TMEM161A: variants seen among roughly 807,000 people sequenced by gnomAD.
The protein encoded by TMEM161A is transmembrane protein 161A, also known as adaptive response to oxidative stress protein 29.
A neutral mutation model predicts 57.1 loss-of-function variants in TMEM161A; 46 were observed. The ratio of observed to expected loss-of-function variants is 0.81; its 90% CI spans 0.64 to 1.03. The LOEUF is 1.03. Ranked by LOEUF, TMEM161A falls within the 50% of genes least tolerant of loss-of-function variation. The probability of loss-of-function intolerance (pLI) is 0.00; values close to 1 mark genes in which losing one functional copy is unlikely to be tolerated. For synonymous variants in TMEM161A, 288 were observed against 279.0 expected (o/e 1.03, Z -0.32); for missense variants, 601 against 621.5 (o/e 0.97, Z 0.35).
Position 19,132,563 on chromosome 19 carries a change from A to C in TMEM161A, c.287-55T>G, listed in dbSNP as rs2059963975. On this transcript the variant is annotated intron_variant, in intron 4 of 11. Transcript: ENST00000162044. This position sits in a 1 kb window ranked among gnomAD's most constrained non-coding sequence, Gnocchi z 4.3. ...GCCCAGCTCGCTCCCCTCCTAATAG[A>C]ACATTCTTCCTTCAAATCCTCCCCA... 5 of 1,585,542 alleles carry C rather than the reference A, an allele frequency of 3.2e-6. No homozygotes were observed.
At position 19,121,421 on chromosome 19, in the gene TMEM161A, C is replaced by T; in HGVS notation, c.801G>A (p.Gln267=). 1.9e-6 allele frequency: 3 copies of T among 1,613,862 alleles called. No individual in the cohort carries two copies. The highest frequency in any genetic ancestry group is 2.5e-6 in the Non-Finnish European group (3 of 1,179,822). The stretch of plus-strand genomic sequence containing the variant: ...ACAGGAAGCTGGTGTGCAGGAGGAA[C>T]CTGGGGGGTGAGGGCAGGAGGGAGT... ...LTMSEDRPML[Q]FLLHTSFLSP... Residue 267 remains glutamine (Q), a splice_region_variant and synonymous_variant, in exon 9 of 12, where the codon CAG becomes CAA. Transcript: ENST00000162044. This position sits in a 1 kb window ranked among gnomAD's most constrained non-coding sequence, Gnocchi z 5.8.
At chr19:19,135,530 T>C (rs560770667) in intron 1 of TMEM161A, among the ~76,000 whole-genome samples, 264 of 152,284 alleles carry the variant, frequency 1.7e-3, no homozygotes, top group Middle Eastern at 6.8e-3. Context: ...CCTACATGTC[T>C]GAGTGGGGTG....
At chr19:19,138,089 A>G (rs774078961) in intron 1 of TMEM161A, among the ~76,000 whole-genome samples, 6 of 152,130 alleles carry the variant, frequency 3.9e-5, no homozygotes, top group Non-Finnish European at 7.4e-5. Flanking sequence ...CACCGCCTTA[A>G]CCAGGTTCCA....
At chr19:19,124,955 C>CAAAACA (rs978974772) in intron 6 of TMEM161A, among the ~76,000 whole-genome samples, 3 of 151,126 alleles carry the variant, frequency 2.0e-5, no homozygotes, top group Non-Finnish European at 2.9e-5. Context: ...AACTCCATCT[C>CAAAACA]AAAACAAAAA....
intron 2 of TMEM161A, 93 bp from the exon 3 acceptor site, chr19:19,133,303 T>A (rs1364764064): frequency 1.0e-5 from 12 of 1,173,150 alleles, no homozygotes; most frequent in Admixed American, 1.9e-5. Flanking sequence ...AGTTAGAGGG[T>A]AGCCTAGGCC....
At position 19,132,594 on chromosome 19, in the gene TMEM161A, AT is replaced by A. The variant is rs1159862833; in HGVS notation, c.286+62del. On this transcript the variant is annotated intron_variant, in intron 4 of 11. Coordinates refer to ENST00000162044, the MANE Select transcript of TMEM161A (RefSeq NM_017814.3). This position sits in a 1 kb window ranked among gnomAD's most constrained non-coding sequence, Gnocchi z 4.3. ...CTTCCTTCAAATCCTCCCCACCCCCATGAGGGTGTGGAGACCTTCAGGGCTG... is the reference window on the plus strand; with the variant it reads ...CTTCCTTCAAATCCTCCCCACCCCCAGAGGGTGTGGAGACCTTCAGGGCTG... 42 of 1,564,604 alleles carry A rather than the reference AT, an allele frequency of 2.7e-5. No homozygotes were observed. In the East Asian group the frequency reaches 8.3e-4, roughly 31 times the overall value.
intron 6 of TMEM161A, among the ~76,000 whole-genome samples, chr19:19,126,915 T>G (rs1445104858): frequency 6.6e-6 from 1 of 151,582 alleles, no homozygotes; most frequent in Non-Finnish European, 1.5e-5. Flanking sequence ...GGTGTGGTGG[T>G]GGGAGCCTGT....
In TMEM161A at chr19:19,119,888, C is replaced by T. The variant is rs2146323490; in HGVS notation, c.*42G>A. On this transcript the variant is annotated 3_prime_UTR_variant, in exon 12 of 12. Transcript: ENST00000162044. ...AGGGGGCAGGCTAGTGTCCCGCTGC[C>T]CCAGGAACAGACCTCAGGGCCCCAG... 1.3e-6 allele frequency: 2 copies of T among 1,543,416 alleles called. No individual in the cohort carries two copies. The highest frequency in any genetic ancestry group is 2.4e-5 in the East Asian group (1 of 40,836).
chr19:19,121,437 A>T lies in TMEM161A; in HGVS notation c.801-16T>A. The T allele has an allele frequency of 1.2e-6, 2 of 1,613,802 alleles. No homozygotes were observed. The highest frequency in any genetic ancestry group is 1.7e-6 in the Non-Finnish European group (2 of 1,179,720). On this transcript the variant is annotated splice_polypyrimidine_tract_variant and intron_variant, in intron 8 of 11. Transcript: ENST00000162044. This position sits in a 1 kb window ranked among gnomAD's most constrained non-coding sequence, Gnocchi z 5.8. The stretch of plus-strand genomic sequence containing the variant: ...CAGGAGGAACCTGGGGGGTGAGGGC[A>T]GGAGGGAGTGAGGCCTGGGTACCCC...
At position 19,133,130 on chromosome 19, in the gene TMEM161A, C is replaced by T. The variant is rs377398921; in HGVS notation, c.188G>A (p.Arg63Gln). 5.2e-5 allele frequency: 84 copies of T among 1,613,572 alleles called. No individual in the cohort carries two copies. Among genetic ancestry groups the T allele is most frequent in the Non-Finnish European group, 6.0e-5 (71 of 1,179,744 alleles). The change falls in exon 3 of 12, where the codon CGG becomes CAG. Residue 63 changes from arginine (R) to glutamine (Q), a missense_variant and splice_region_variant. Arg to Gln is a conservative substitution (Grantham distance 43). Transcript: ENST00000162044. ...GKPRPRGRKE[R>Q]WANGLSEEKP... ...TGGGGCTGGGGCCCAGGTCACTCAC[C>T]GCTCTTTCCTGCCTCTGGGCCTCGG... is the stretch of plus-strand genomic sequence containing the variant.
In TMEM161A at chr19:19,133,173, G is replaced by A. The variant is rs772837226; in HGVS notation, c.145C>T (p.Arg49Trp). Residue 49 changes from arginine (R) to tryptophan (W), a missense_variant, in exon 3 of 12, where the codon CGG becomes TGG. Physicochemically the swap from Arg to Trp is moderately radical, Grantham distance 101. Transcript: ENST00000162044. ...RYKHPSEEEL[R>W]ALAGKPRPRG... ...GGCCTCGGCTTCCCCGCCAGGGCCC[G>A]AAGCTCCTCCTCAGACGGGTGCTTG... 2.0e-5 allele frequency: 33 copies of A among 1,614,040 alleles called. No homozygotes were observed. The highest frequency in any genetic ancestry group is 1.7e-4 in the Admixed American group (10 of 59,990).
intron 1 of TMEM161A, 88 bp downstream of exon 1, chr19:19,138,338 C>T: frequency 6.5e-7 from 1 of 1,542,346 alleles, no homozygotes; most frequent in East Asian, 2.4e-5. Flanking sequence ...AAGAAGAAAC[C>T]CCAATCCATT....
Position 19,121,563 on chromosome 19 carries a change from C to G in TMEM161A, c.762G>C (p.Arg254=). 6.2e-7 allele frequency: 1 copy of G among 1,613,912 alleles called. No individual in the cohort carries two copies. Among genetic ancestry groups the G allele is most frequent in the Non-Finnish European group, 8.5e-7 (1 of 1,179,966 alleles). ...TGTCCTCCGACATGGTCAGTGCGTC[C>G]CGGTGGGTCTGGGCCAGCCGCAGGC... The part of the protein sequence containing the change: ...FPGLRLAQTH[R]DALTMSEDRP... The change falls in exon 8 of 12, where the codon CGG becomes CGC. Residue 254 remains arginine (R), a synonymous_variant. Transcript: ENST00000162044. The surrounding 1 kb of genome is among the most constrained non-coding windows in gnomAD (Gnocchi z 5.8).
intron 6 of TMEM161A, among the ~76,000 whole-genome samples, chr19:19,128,575 G>C (rs1568536454): frequency 9.7e-6 from 1 of 102,680 alleles, no homozygotes; most frequent in African/African-American, 3.8e-5. Context: ...TTTCACTCTT[G>C]TTGCTCAGGC....
chr19:19,132,834 T>C lies in TMEM161A; in HGVS notation c.189-80A>G. ...AGCCACCCTCAGAGCTCAGAGCAGCTGGCCTGGAGACCATCTCTTTCCACA... is the reference window on the plus strand; with the variant it reads ...AGCCACCCTCAGAGCTCAGAGCAGCCGGCCTGGAGACCATCTCTTTCCACA... On this transcript the variant is annotated intron_variant, in intron 3 of 11. Coordinates refer to ENST00000162044, the MANE Select transcript of TMEM161A (RefSeq NM_017814.3). This position sits in a 1 kb window ranked among gnomAD's most constrained non-coding sequence, Gnocchi z 4.3. The C allele has an allele frequency of 2.5e-6, 3 of 1,180,236 alleles. No individual in the cohort carries two copies. The highest frequency in any genetic ancestry group is 2.5e-5 in the East Asian group (1 of 40,010). The allele number at this position is 1,180,236 out of a possible 1,614,324, so 73.1% of individuals were successfully genotyped here.
intron 6 of TMEM161A, among the ~76,000 whole-genome samples, chr19:19,129,336 C>T (rs573883398): frequency 6.6e-6 from 1 of 152,170 alleles, no homozygotes; most frequent in East Asian, 1.9e-4. Context: ...GAAGGTAAAA[C>T]TCAAGCAGTC....
At position 19,121,500 on chromosome 19, in the gene TMEM161A, C is replaced by G; in HGVS notation, c.800+25G>C. The G allele has an allele frequency of 6.2e-7, 1 of 1,613,486 alleles. No individual in the cohort carries two copies. The highest frequency in any genetic ancestry group is 2.2e-5 in the East Asian group (1 of 44,870). On this transcript the variant is annotated intron_variant, in intron 8 of 11. Transcript: ENST00000162044. This position sits in a 1 kb window ranked among gnomAD's most constrained non-coding sequence, Gnocchi z 5.8. ...CTCTCCCTTAAGCTCCCTAGTCCCC[C>G]CACCCACCAAGCGACCCACTTAACT... is the stretch of plus-strand genomic sequence containing the variant.
At position 19,119,910 on chromosome 19, in the gene TMEM161A, C is replaced by A; in HGVS notation, c.*20G>T. On this transcript the variant is annotated 3_prime_UTR_variant, in exon 12 of 12. Coordinates refer to ENST00000162044, the MANE Select transcript of TMEM161A (RefSeq NM_017814.3). ...TGCCCCAGGAACAGACCTCAGGGCC[C>A]CAGGAGGGTCTGCAGGCAGCTAGGA... 6.5e-7 allele frequency: 1 copy of A among 1,550,204 alleles called. No individual in the cohort carries two copies. The highest frequency in any genetic ancestry group is 2.4e-5 in the East Asian group (1 of 41,032).
intron 6 of TMEM161A, among the ~76,000 whole-genome samples, chr19:19,129,231 C>G (rs1415239199): frequency 6.6e-6 from 1 of 152,118 alleles, no homozygotes; most frequent in Non-Finnish European, 1.5e-5. Flanking sequence ...TGCAGGTACT[C>G]ATATGATTAT....
Sources: allele counts gnomAD v4.1 joint callset (sites outside exome capture counted in the v4.1 genomes callset), GRCh38; gene constraint gnomAD v4.1.1; non-coding constraint Gnocchi (gnomAD v3.1); transcripts MANE v1.5; gene names NCBI Gene and HGNC (gene_info 2026-07-23, HGNC 2026-07-21).